PIK3R5: variants seen among roughly 807,000 people sequenced by gnomAD.
PIK3R5 encodes the protein phosphoinositide-3-kinase regulatory subunit 5.
PIK3R5 carries 32 observed loss-of-function variants against 94.9 expected under a neutral mutation model. The ratio of observed to expected loss-of-function variants is 0.34; its 90% CI spans 0.25 to 0.45. The LOEUF (loss-of-function observed/expected upper bound fraction) is 0.45, where lower values mean the gene tolerates loss of function less well. Ranked by LOEUF, PIK3R5 falls within the 20% of genes least tolerant of loss-of-function variation. The pLI, the probability that PIK3R5 is intolerant of heterozygous loss-of-function variation, is 1.00. For synonymous variants in PIK3R5, 443 were observed against 479.4 expected (o/e 0.92, Z 0.99); for missense variants, 853 against 1,144.6 (o/e 0.75, Z 3.68).
At position 8,946,320 on chromosome 17, in the gene PIK3R5, GCTAGAAAGAAAACTA is replaced by G. The variant is rs537316645; in HGVS notation, c.-14+19261_-14+19275del. Among the ~76,000 whole-genome samples the G allele has an allele frequency of 2.8e-3, 427 of 151,982 alleles. 3 individuals carry two copies. The highest frequency in any genetic ancestry group is 9.5e-3 in the African/African-American group (392 of 41,404). On this transcript the variant is annotated intron_variant, in intron 1 of 18. Transcript: ENST00000447110. ...TGTTCAGAAAAGTCCAGATGGAAAA[GCTAGAAAGAAAACTA>G]CTAGAAAGAAAATTACTGTGACACC...
Position 8,889,897 on chromosome 17 carries a change from G to T in PIK3R5, c.811+76C>A. Reference sequence around the variant, plus strand: ...TGTGTGGAGCAGAGCCACCAGGCCCGCCTGGACCGTGCACCTTGGGACCTA... The same window carrying T: ...TGTGTGGAGCAGAGCCACCAGGCCCTCCTGGACCGTGCACCTTGGGACCTA... On this transcript the variant is annotated intron_variant, in intron 8 of 18. Coordinates refer to ENST00000447110, the MANE Select transcript of PIK3R5 (RefSeq NM_001142633.3). This position sits in a 1 kb window ranked among gnomAD's most constrained non-coding sequence, Gnocchi z 4.1. 3.3e-6 allele frequency: 5 copies of T among 1,527,914 alleles called. No individual in the cohort carries two copies. The highest frequency in any genetic ancestry group is 4.5e-6 in the Non-Finnish European group (5 of 1,108,610). The allele number at this position is 1,527,914 out of a possible 1,614,324, so 94.6% of individuals were successfully genotyped here. A position where few individuals can be genotyped will look rare whatever the true frequency, so the allele number is the denominator to read the frequency against.
intron 1 of PIK3R5, among the ~76,000 whole-genome samples, chr17:8,932,225 A>T (rs557601235): frequency 6.6e-6 from 1 of 151,248 alleles, no homozygotes; most frequent in South Asian, 2.1e-4. Context: ...TCAGAAGGGA[A>T]TTGGAAACCT....
At chr17:8,959,359 G>A (rs1469905802) in intron 1 of PIK3R5, among the ~76,000 whole-genome samples, 1 of 152,192 alleles carries the variant, frequency 6.6e-6, no homozygotes, top group Non-Finnish European at 1.5e-5. Context: ...GGGTCCCTTG[G>A]TGAACTGCAG....
At chr17:8,938,106 C>G (rs112955976) in intron 1 of PIK3R5, among the ~76,000 whole-genome samples, 1 of 152,128 alleles carries the variant, frequency 6.6e-6, no homozygotes, top group African/African-American at 2.4e-5. Context: ...CCACCGCACC[C>G]GGCCATTTTT....
At chr17:8,886,833 A>T (rs1482717556) in intron 12 of PIK3R5, among the ~76,000 whole-genome samples, 1 of 152,088 alleles carries the variant, frequency 6.6e-6, no homozygotes, top group Non-Finnish European at 1.5e-5. Flanking sequence ...CAAAGGCGGG[A>T]GTTGAGGAAG....
Position 8,880,781 on chromosome 17 carries a change from T to C in PIK3R5, c.2501A>G (p.Glu834Gly), listed in dbSNP as rs1481239786. 1.2e-5 allele frequency: 19 copies of C among 1,613,462 alleles called. No individual in the cohort carries two copies. Among genetic ancestry groups the C allele is most frequent in the Non-Finnish European group, 1.6e-5 (19 of 1,179,630 alleles). Residue 834 changes from glutamate (E) to glycine (G), a missense_variant, in exon 19 of 19, where the codon GAG becomes GGG. Physicochemically the swap from Glu to Gly is moderately conservative, Grantham distance 98 (BLOSUM62 -2). This residue lies in a region of PIK3R5 where 91 missense variants were observed against 90.5 expected (regional missense o/e 1.01). Transcript: ENST00000447110. ...RKILQSVVRC[E>G]VSPCYKPEKS... is the part of the protein sequence containing the mutation. Reference sequence around the variant, plus strand: ...CTCTGGCTTGTAGCACGGTGAGACCTCACATCTGTGCAGCAGGGCAGGGGC... The same window carrying C: ...CTCTGGCTTGTAGCACGGTGAGACCCCACATCTGTGCAGCAGGGCAGGGGC...
chr17:8,888,640 G>A lies in PIK3R5; in HGVS notation c.1147C>T (p.Leu383Phe). ...TAGCCGCTGTCCATGCCATCAGAGA[G>A]GCCTGAGACAAAGGAAGTCAGCAGA... ...RHLLTSFVSG[L>F]SDGMDSGYVE... Residue 383 changes from leucine (L) to phenylalanine (F), a missense_variant, in exon 10 of 19, where the codon CTC becomes TTC. Around this residue, in one of 6 missense-constraint regions of PIK3R5, gnomAD observed 319 missense variants for 339.8 expected, o/e 0.94. Transcript: ENST00000447110. The surrounding 1 kb of genome is among the most constrained non-coding windows in gnomAD (Gnocchi z 7.8). 1 of 1,613,570 alleles carries A rather than the reference G, an allele frequency of 6.2e-7. No individual in the cohort carries two copies. The highest frequency in any genetic ancestry group is 8.5e-7 in the Non-Finnish European group (1 of 1,179,792).
chr17:8,904,115 C>A lies in PIK3R5; in HGVS notation c.412+662G>T, dbSNP rs192517358. The stretch of plus-strand genomic sequence containing the variant: ...AGAGGCATCTATTGAGATGCTTTTG[C>A]GAATTTATTCCTTTGAGTACTGATT... On this transcript the variant is annotated intron_variant, in intron 5 of 18. Coordinates refer to ENST00000447110, the MANE Select transcript of PIK3R5 (RefSeq NM_001142633.3). This position sits in a 1 kb window ranked among gnomAD's most constrained non-coding sequence, Gnocchi z 5.1. 5.3e-5 allele frequency among the ~76,000 whole-genome samples: 8 copies of A among 152,134 alleles called. No homozygotes were observed. The highest frequency in any genetic ancestry group is 1.3e-4 in the Admixed American group (2 of 15,268).
In PIK3R5 at chr17:8,889,619, A is replaced by T. The variant is rs927275713; in HGVS notation, c.811+354T>A. ...TGGAGTCATAGAGACGATGTTTCCC[A>T]GGCTCCTTTGGGGCAAGATGTGGCC... On this transcript the variant is annotated intron_variant, in intron 8 of 18. Transcript: ENST00000447110. The surrounding 1 kb of genome is among the most constrained non-coding windows in gnomAD (Gnocchi z 4.1). 5.9e-5 allele frequency among the ~76,000 whole-genome samples: 9 copies of T among 152,154 alleles called. No individual in the cohort carries two copies. The highest frequency in any genetic ancestry group is 1.3e-4 in the Admixed American group (2 of 15,278).
rs1294517304 is a variant in PIK3R5 at position 8,890,103 on chromosome 17, C to T, written c.681G>A (p.Glu227=). The T allele has an allele frequency of 1.2e-6, 2 of 1,614,006 alleles. No homozygotes were observed. The highest frequency in any genetic ancestry group is 1.1e-5 in the South Asian group (1 of 91,086). ...RLQAKTLAEL[E]DIFTETAEAQ... ...CCTCTGCGGTCTCCGTGAAGATGTC[C>T]TCAAGCTCTGCCAGGGTCTTGGCCT... Residue 227 remains glutamate, a synonymous_variant, in exon 8 of 19, where the codon GAG becomes GAA. Coordinates refer to ENST00000447110, the MANE Select transcript of PIK3R5 (RefSeq NM_001142633.3). The surrounding 1 kb of genome is among the most constrained non-coding windows in gnomAD (Gnocchi z 6.1).
In PIK3R5 at chr17:8,953,799, G is replaced by C. The variant is rs145613089; in HGVS notation, c.-14+11797C>G. The stretch of plus-strand genomic sequence containing the variant: ...TTACTGAGGCCCAAGAGACAACAAG[G>C]GCTCTGGACACAAGCTCGTGTTTCT... On this transcript the variant is annotated intron_variant, in intron 1 of 18. Transcript: ENST00000447110. Among the ~76,000 whole-genome samples, 1,063 of 152,262 alleles carry C rather than the reference G, an allele frequency of 7.0e-3. 7 individuals are homozygous for C. Among genetic ancestry groups the C allele is most frequent in the Non-Finnish European group, 0.011 (747 of 68,016 alleles).
At chr17:8,883,299 C>T (rs572684942) in intron 15 of PIK3R5, among the ~76,000 whole-genome samples, 9 of 152,272 alleles carry the variant, frequency 5.9e-5, no homozygotes, top group Admixed American at 1.3e-4. Context: ...ACCAGGGAGG[C>T]GGATGTTGCA....
At chr17:8,885,831 G>C (rs1217851807) in intron 14 of PIK3R5, among the ~76,000 whole-genome samples, 1 of 37,422 alleles carries the variant, frequency 2.7e-5, no homozygotes, top group Non-Finnish European at 5.0e-5. Flanking sequence ...GGGTAACCCC[G>C]CCTCCCCAGG....
rs1277777642 is a variant in PIK3R5 at position 8,893,231 on chromosome 17, G to A, written c.482+355C>T. Among the ~76,000 whole-genome samples the A allele has an allele frequency of 1.3e-5, 2 of 152,104 alleles. No individual in the cohort carries two copies. The highest frequency in any genetic ancestry group is 4.8e-5 in the African/African-American group (2 of 41,398). ...AAGCCTGAGGGTTAAATTCTGGCTC[G>A]TACCCTTGCTCGCTGTGTGACCTTG... On this transcript the variant is annotated intron_variant, in intron 6 of 18. Transcript: ENST00000447110. The surrounding 1 kb of genome is among the most constrained non-coding windows in gnomAD (Gnocchi z 5.1).
intron 5 of PIK3R5, among the ~76,000 whole-genome samples, chr17:8,894,483 C>T (rs2090104728): frequency 1.3e-5 from 2 of 152,290 alleles, no homozygotes; most frequent in South Asian, 2.1e-4. Context: ...TGGCGTCCTC[C>T]GTGCTCTGAG....
rs1011254757 is a variant in PIK3R5 at position 8,884,313 on chromosome 17, C to T, written c.2205+394G>A. 6.6e-6 allele frequency among the ~76,000 whole-genome samples: 1 copy of T among 152,104 alleles called. No homozygotes were observed. Among genetic ancestry groups the T allele is most frequent in the East Asian group, 1.9e-4 (1 of 5,188 alleles). On this transcript the variant is annotated intron_variant, in intron 15 of 18. Coordinates refer to ENST00000447110, the MANE Select transcript of PIK3R5 (RefSeq NM_001142633.3). This position sits in a 1 kb window ranked among gnomAD's most constrained non-coding sequence, Gnocchi z 5.8. The stretch of plus-strand genomic sequence containing the variant: ...CCCACAGCTCTCCTCACTCCTTTCT[C>T]ACGCCAATCCCATCTTGCATGCAGC...
rs145804292 is a variant in PIK3R5 at position 8,948,196 on chromosome 17, C to T, written c.-14+17400G>A. Among the ~76,000 whole-genome samples, 14 of 152,110 alleles carry T rather than the reference C, an allele frequency of 9.2e-5. No homozygotes were observed. The East Asian group carries it at 9.7e-4, about 10-fold the overall frequency. ...CAGTGGCCGACGCATGAGAGAAAGCCGAAATGCGCTCCTATGTTGCCTCCA... is the reference window on the plus strand; with the variant it reads ...CAGTGGCCGACGCATGAGAGAAAGCTGAAATGCGCTCCTATGTTGCCTCCA... On this transcript the variant is annotated intron_variant, in intron 1 of 18. Transcript: ENST00000447110.
At chr17:8,921,279 T>C (rs1188700610) in intron 1 of PIK3R5, among the ~76,000 whole-genome samples, 1 of 152,274 alleles carries the variant, frequency 6.6e-6, no homozygotes, top group Non-Finnish European at 1.5e-5. Context: ...TGTTTTGTTT[T>C]GTACCCTACC....
intron 1 of PIK3R5, among the ~76,000 whole-genome samples, chr17:8,957,753 C>T (rs1323814379): frequency 6.6e-6 from 1 of 152,108 alleles, no homozygotes; most frequent in Non-Finnish European, 1.5e-5. Flanking sequence ...CTGAGGTTTA[C>T]AGATTTGTAC....
Sources: gnomAD v4.1 joint callset for allele counts (sites outside exome capture counted in the v4.1 genomes callset) on GRCh38, gnomAD v4.1.1 for gene constraint, gnomAD v4.1.1 regional missense constraint, Gnocchi (gnomAD v3.1) non-coding constraint, MANE v1.5 for transcripts, NCBI Gene and HGNC (gene_info 2026-07-23, HGNC 2026-07-21) for gene names.